LPL: variants seen among roughly 807,000 people sequenced by gnomAD.
The protein encoded by LPL is phospholipase A1.
Under a neutral mutation model 52.2 loss-of-function variants are expected in LPL, and 43 were observed. That is an observed-to-expected ratio of 0.82 (90% CI 0.64 to 1.06). LPL has a LOEUF of 1.06. Among genes scored for constraint, LPL ranks in the 50% least tolerant of loss-of-function variants. The pLI, the probability that LPL is intolerant of heterozygous loss-of-function variation, is 0.00. For synonymous variants in LPL, 244 were observed against 215.6 expected (o/e 1.13, Z -1.15); for missense variants, 639 against 585.3 (o/e 1.09, Z -0.95).
At position 19,939,432 on chromosome 8, in the gene LPL, C is replaced by G; in HGVS notation, c.-9C>G. On this transcript the variant is annotated 5_prime_UTR_variant, in exon 1 of 10. Coordinates refer to ENST00000650287, the MANE Select transcript of LPL (RefSeq NM_000237.3). This position sits in a 1 kb window ranked among gnomAD's most constrained non-coding sequence, Gnocchi z 4.0. ...GCCTTGCAGCTCCTCCAGAGGGACG[C>G]GCCCCGAGATGGAGAGCAAAGCCCT... The G allele has an allele frequency of 6.2e-7, 1 of 1,604,370 alleles. No homozygotes were observed. The highest frequency in any genetic ancestry group is 1.1e-5 in the South Asian group (1 of 89,688).
rs757038496 is a variant in LPL at position 19,953,405 on chromosome 8, A to C, written c.525A>C (p.Lys175Asn). ...TTGCAGGAAGTCTGACCAATAAGAA[A>C]GTCAACAGAATTACTGGTAAGAAAG... ...AGIAGSLTNK[K>N]VNRITGLDPA... The change falls in exon 4 of 10, where the codon AAA becomes AAC. Residue 175 changes from lysine to asparagine, a missense_variant. Transcript: ENST00000650287. 6.2e-7 allele frequency: 1 copy of C among 1,613,560 alleles called. No individual in the cohort carries two copies. The highest frequency in any genetic ancestry group is 8.5e-7 in the Non-Finnish European group (1 of 1,179,484).
chr8:19,939,659 C>G lies in LPL; in HGVS notation c.88+131C>G. 1.1e-6 allele frequency: 1 copy of G among 940,328 alleles called. No individual in the cohort carries two copies. Among genetic ancestry groups the G allele is most frequent in the Non-Finnish European group, 1.6e-6 (1 of 626,838 alleles). 58.2% of individuals were successfully genotyped at this position (940,328 alleles called of 1,614,324 possible). A position where few individuals can be genotyped will look rare whatever the true frequency, so the allele number is the denominator to read the frequency against. On this transcript the variant is annotated intron_variant, in intron 1 of 9. Transcript: ENST00000650287. The surrounding 1 kb of genome is among the most constrained non-coding windows in gnomAD (Gnocchi z 4.0). The stretch of plus-strand genomic sequence containing the variant: ...CCCAGGGACTCTCCCAGCCTGGGCT[C>G]TAGCCCCGAAACGGTCCCCGGAGTG...
chr8:19,952,683 A>G (rs577989879), intron 3 of LPL, among the ~76,000 whole-genome samples: 31 of 152,310 alleles, frequency 2.0e-4, no homozygotes, highest in African/African-American at 5.3e-4. Flanking sequence ...GACCAGGCAA[A>G]TGAACATGGG....
chr8:19,959,199 A>C (rs1368441669), intron 6 of LPL, 61 bp from the exon 7 acceptor site: 7 of 1,610,186 alleles, frequency 4.3e-6, no homozygotes, highest in African/African-American at 2.7e-5. Context: ...TTGCCTGACT[A>C]TTTGGGGTTG....
intron 4 of LPL, 83 bp from the exon 5 acceptor site, chr8:19,954,037 C>T (rs531380066): frequency 2.2e-6 from 2 of 917,160 alleles, no homozygotes; most frequent in Non-Finnish European, 3.7e-6. Context: ...GCTGCCAGTG[C>T]ATTCAAATGA....
intron 5 of LPL, 134 bp from the exon 6 acceptor site, chr8:19,955,707 T>G: frequency 8.5e-7 from 1 of 1,180,802 alleles, no homozygotes; most frequent in Non-Finnish European, 1.2e-6. Flanking sequence ...GGGCCTACAA[T>G]CATAAATGCA....
rs778308749 is a variant in LPL, at chr8:19,954,149, T to G, written c.571T>G (p.Tyr191Asp). 11 of 1,614,202 alleles carry G rather than the reference T, an allele frequency of 6.8e-6. No homozygotes were observed. The highest frequency in any genetic ancestry group is 9.3e-6 in the Non-Finnish European group (11 of 1,180,036). ...GLDPAGPNFE[Y>D]AEAPSRLSPD... ...CGATCCAGCTGGACCTAACTTTGAG[T>G]ATGCAGAAGCCCCGAGTCGTCTTTC... The change falls in exon 5 of 10, where the codon TAT becomes GAT. Residue 191 changes from tyrosine to aspartate, a missense_variant. Coordinates refer to ENST00000650287, the MANE Select transcript of LPL (RefSeq NM_000237.3).
In LPL at chr8:19,955,870, G is replaced by C; in HGVS notation, c.805G>C (p.Glu269Gln). 1 of 1,614,110 alleles carries C rather than the reference G, an allele frequency of 6.2e-7. No homozygotes were observed. The highest frequency in any genetic ancestry group is 8.5e-7 in the Non-Finnish European group (1 of 1,180,042). The change falls in exon 6 of 10, where the codon GAG (glutamate) becomes CAG (glutamine). Residue 269 changes from glutamate to glutamine, a missense_variant. By Grantham distance (29) the Glu-to-Gln change is conservative. Transcript: ENST00000650287. ...GGACCAGCTAGTGAAGTGCTCCCACGAGCGCTCCATTCATCTCTTCATCGA... is the reference window on the plus strand; with the variant it reads ...GGACCAGCTAGTGAAGTGCTCCCACCAGCGCTCCATTCATCTCTTCATCGA... ...DVDQLVKCSH[E>Q]RSIHLFIDSL...
Position 19,944,992 on chromosome 8 carries a change from T to G in LPL, c.89-3188T>G, listed in dbSNP as rs2128836268. Among the ~76,000 whole-genome samples the G allele has an allele frequency of 6.6e-6, 1 of 152,146 alleles. No homozygotes were observed. The highest frequency in any genetic ancestry group is 2.1e-4 in the South Asian group (1 of 4,818). ...CTTCCCCTTCCCCTTCTTCCTTCCT[T>G]CCTTCCTTCCCTCCATCCCTCCCTC... is the stretch of plus-strand genomic sequence containing the variant. On this transcript the variant is annotated intron_variant, in intron 1 of 9. Transcript: ENST00000650287. This position sits in a 1 kb window ranked among gnomAD's most constrained non-coding sequence, Gnocchi z 4.2.
At position 19,961,921 on chromosome 8, in the gene LPL, G is replaced by A. The variant is rs2070042464; in HGVS notation, c.1323-194G>A. ...ATCTAAATTAACTAGCTTGGTTGCT[G>A]AACACCAGGTTAGGCTCTCAAATTA... On this transcript the variant is annotated intron_variant, in intron 8 of 9. Coordinates refer to ENST00000650287, the MANE Select transcript of LPL (RefSeq NM_000237.3). Among the ~76,000 whole-genome samples the A allele has an allele frequency of 2.0e-5, 3 of 152,078 alleles. No individual in the cohort carries two copies. The South Asian group carries it at 6.2e-4, about 32-fold the overall frequency.
intron 9 of LPL, among the ~76,000 whole-genome samples, chr8:19,964,987 C>T (rs1331360544): frequency 1.3e-5 from 2 of 152,166 alleles, no homozygotes; most frequent in Admixed American, 1.3e-4. Flanking sequence ...CCTCATATCA[C>T]AAGAAATGAA....
chr8:19,939,539 C>A lies in LPL; in HGVS notation c.88+11C>A. 1 of 1,603,700 alleles carries A rather than the reference C, an allele frequency of 6.2e-7. No individual in the cohort carries two copies. Among genetic ancestry groups the A allele is most frequent in the Non-Finnish European group, 8.5e-7 (1 of 1,176,166 alleles). ...TGGCCGCCGCCGACCGTAAGTTTTG[C>A]GCGCAAACTCCCCTCCACCTGCAGA... is the stretch of plus-strand genomic sequence containing the variant. On this transcript the variant is annotated intron_variant, in intron 1 of 9. Transcript: ENST00000650287. This position sits in a 1 kb window ranked among gnomAD's most constrained non-coding sequence, Gnocchi z 4.0.
intron 4 of LPL, among the ~76,000 whole-genome samples, chr8:19,953,714 G>C (rs2069957394): frequency 2.0e-5 from 2 of 99,344 alleles, no homozygotes; most frequent in South Asian, 2.6e-4. Context: ...CTGTGTTTTA[G>C]TAGTGTAAAT....
rs1483146854 is a variant in LPL at position 19,950,981 on chromosome 8, T to G, written c.250-788T>G. Among the ~76,000 whole-genome samples the G allele has an allele frequency of 6.6e-6, 1 of 150,790 alleles. No individual in the cohort carries two copies. The highest frequency in any genetic ancestry group is 6.6e-5 in the Admixed American group (1 of 15,178). ...AGAACAAAGAAAAGAGAAACACTGG[T>G]AGTACAGAAAAACTTCTGATAGAGG... On this transcript the variant is annotated intron_variant, in intron 2 of 9. Transcript: ENST00000650287. This position sits in a 1 kb window ranked among gnomAD's most constrained non-coding sequence, Gnocchi z 4.2.
At chr8:19,954,417 C>T (rs954069400) in intron 5 of LPL, 64 bp downstream of exon 5, 6 of 1,464,878 alleles carry the variant, frequency 4.1e-6, no homozygotes, top group South Asian at 1.1e-5. Context: ...GACCCAATGT[C>T]CTACTCAGTA....
intron 2 of LPL, among the ~76,000 whole-genome samples, chr8:19,951,073 G>A (rs80181352): frequency 2.0e-5 from 3 of 152,238 alleles, no homozygotes; most frequent in East Asian, 1.9e-4. Context: ...AGGCACAGAC[G>A]AAGGGAAATG....
intron 1 of LPL, among the ~76,000 whole-genome samples, chr8:19,943,196 T>C (rs1236591774): frequency 6.6e-6 from 1 of 152,184 alleles, no homozygotes; most frequent in African/African-American, 2.4e-5. Context: ...GTAATACCAT[T>C]CTGGCTTGGA....
At chr8:19,955,664 G>A (rs1236771816) in intron 5 of LPL, among the ~76,000 whole-genome samples, 177 bp from the exon 6 acceptor site, 1 of 152,006 alleles carries the variant, frequency 6.6e-6, no homozygotes, top group Non-Finnish European at 1.5e-5. Flanking sequence ...GAAGGTGGGT[G>A]GGCCGCTACC....
intron 9 of LPL, among the ~76,000 whole-genome samples, chr8:19,963,708 T>C (rs2070060228): frequency 6.6e-6 from 1 of 152,158 alleles, no homozygotes; most frequent in Non-Finnish European, 1.5e-5. Context: ...ATGGTGTATA[T>C]ACTCTGAATG....
Sources: gnomAD v4.1 joint callset for allele counts (sites outside exome capture counted in the v4.1 genomes callset) on GRCh38, gnomAD v4.1.1 for gene constraint, Gnocchi (gnomAD v3.1) non-coding constraint, MANE v1.5 for transcripts, NCBI Gene and HGNC (gene_info 2026-07-23, HGNC 2026-07-21) for gene names.